FILIP1: variants seen among roughly 807,000 people sequenced by gnomAD.
FILIP1 encodes the protein filamin A interacting protein 1.
FILIP1 carries 61 observed loss-of-function variants against 102.1 expected under a neutral mutation model. The ratio of observed to expected loss-of-function variants is 0.60; its 90% CI spans 0.49 to 0.74. The LOEUF is 0.74. Among genes scored for constraint, FILIP1 ranks in the 30% least tolerant of loss-of-function variants. The pLI, the probability that FILIP1 is intolerant of heterozygous loss-of-function variation, is 0.00. For missense variants in FILIP1, 1,314 were observed against 1,441.2 expected (o/e 0.91, Z 1.43); for synonymous variants, 491 against 526.9 (o/e 0.93, Z 0.93).
At chr6:75,467,823 A>G (rs1779213537) in intron 1 of FILIP1, among the ~76,000 whole-genome samples, 1 of 152,200 alleles carries the variant, frequency 6.6e-6, no homozygotes, top group African/African-American at 2.4e-5. Flanking sequence ...AGTGCTGCTA[A>G]TAAATGTTGG....
At chr6:75,337,234 T>C (rs1046280162) in intron 4 of FILIP1, among the ~76,000 whole-genome samples, 1 of 152,202 alleles carries the variant, frequency 6.6e-6, no homozygotes, top group Non-Finnish European at 1.5e-5. Context: ...AAGTCCACTA[T>C]GAGTGGGAAT....
intron 1 of FILIP1, among the ~76,000 whole-genome samples, chr6:75,466,300 T>C (rs1156616596): frequency 6.6e-6 from 1 of 152,234 alleles, no homozygotes; most frequent in African/African-American, 2.4e-5. Flanking sequence ...TGCTCCAGCA[T>C]GTAAACTCCA....
At chr6:75,356,502 CT>C (rs1173210618) in intron 3 of FILIP1, among the ~76,000 whole-genome samples, 1 of 147,616 alleles carries the variant, frequency 6.8e-6, no homozygotes, top group Non-Finnish European at 1.5e-5. Context: ...AAGTTTTGCT[CT>C]TGTTGCACAG....
intron 1 of FILIP1, among the ~76,000 whole-genome samples, chr6:75,489,121 C>T (rs1440405525): frequency 2.0e-5 from 3 of 152,032 alleles, no homozygotes; most frequent in Non-Finnish European, 2.9e-5. Flanking sequence ...CCAGTATAGT[C>T]GGCTGTAAAA....
intron 2 of FILIP1, among the ~76,000 whole-genome samples, chr6:75,387,652 CT>C (rs1483609525): frequency 6.6e-6 from 1 of 152,164 alleles, no homozygotes; most frequent in Admixed American, 6.5e-5. Flanking sequence ...TGATGATGAG[CT>C]TTTTTCATGT....
At chr6:75,488,397 GC>G (rs2149786925) in intron 1 of FILIP1, among the ~76,000 whole-genome samples, 1 of 151,088 alleles carries the variant, frequency 6.6e-6, no homozygotes, top group South Asian at 2.1e-4. Flanking sequence ...TCTGCCTGTA[GC>G]CTTTTCCCTT....
chr6:75,393,163 G>C (rs969483946), intron 2 of FILIP1, among the ~76,000 whole-genome samples: 1 of 152,112 alleles, frequency 6.6e-6, no homozygotes, highest in African/African-American at 2.4e-5. Flanking sequence ...TGAAGGAAAG[G>C]ATTCCTCCAC....
chr6:75,318,049 G>A (rs1294154206), intron 4 of FILIP1, among the ~76,000 whole-genome samples: 1 of 151,992 alleles, frequency 6.6e-6, no homozygotes, highest in Non-Finnish European at 1.5e-5. Context: ...TGCAAATGCT[G>A]TGTCCTCTGC....
intron 1 of FILIP1, among the ~76,000 whole-genome samples, chr6:75,489,074 T>C (rs1400327860): frequency 6.6e-6 from 1 of 152,154 alleles, no homozygotes; most frequent in Non-Finnish European, 1.5e-5. Context: ...TAATGTGTTC[T>C]TGCATGGAGG....
intron 4 of FILIP1, among the ~76,000 whole-genome samples, chr6:75,350,626 A>G (rs1259315428): frequency 6.6e-6 from 1 of 152,098 alleles, no homozygotes; most frequent in African/African-American, 2.4e-5. Flanking sequence ...TCTCTATTTG[A>G]TTACTTCAAT....
chr6:75,401,533 C>T (rs779816167), intron 2 of FILIP1, among the ~76,000 whole-genome samples: 6 of 152,088 alleles, frequency 3.9e-5, no homozygotes, highest in Non-Finnish European at 5.9e-5. Context: ...CCACAAGTGG[C>T]GACTTAAATT....
At chr6:75,319,373 G>C in intron 4 of FILIP1, 3 of 627,180 alleles carry the variant, frequency 4.8e-6, no homozygotes, top group Non-Finnish European at 9.2e-6. Context: ...CCGAAGGAGA[G>C]CTCTTGGGTG....
At chr6:75,410,471 C>T (rs142764135) in intron 2 of FILIP1, among the ~76,000 whole-genome samples, 2,018 of 151,744 alleles carry the variant, frequency 0.013, 24 homozygotes, top group South Asian at 0.032. Flanking sequence ...CATAGGTATA[C>T]ATGTGCCATG....
chr6:75,329,411 A>C lies in FILIP1; in HGVS notation c.630-14209T>G, dbSNP rs117299012. Among the ~76,000 whole-genome samples the C allele has an allele frequency of 6.6e-4, 100 of 152,302 alleles. 1 individual carries two copies. The East Asian group carries it at 0.018, about 27-fold the overall frequency. On this transcript the variant is annotated intron_variant, in intron 4 of 5. Coordinates refer to ENST00000237172, the MANE Select transcript of FILIP1 (RefSeq NM_015687.5). ...AGATTTTGTCACTTGTCCTCATCTTAATCCATCGGACCCCGTTTTGCAACA... is the reference window on the plus strand; with the variant it reads ...AGATTTTGTCACTTGTCCTCATCTTCATCCATCGGACCCCGTTTTGCAACA...
At position 75,383,956 on chromosome 6, in the gene FILIP1, A is replaced by G. The variant is rs1775991703; in HGVS notation, c.277-21039T>C. Among the ~76,000 whole-genome samples the G allele has an allele frequency of 2.0e-5, 3 of 152,148 alleles. No homozygotes were observed. In the South Asian group the frequency reaches 6.2e-4, roughly 32 times the overall value. On this transcript the variant is annotated intron_variant, in intron 2 of 5. Coordinates refer to ENST00000237172, the MANE Select transcript of FILIP1 (RefSeq NM_015687.5). ...TATATCCATATAGAACCTCTCAAAT[A>G]TGTACCACCTTATTTTTTTATTCAA...
chr6:75,296,341 TTGTGTGTGTGTGTGTGTGTGTGTGTG>T lies in FILIP1; in HGVS notation c.3494-417_3494-392del, dbSNP rs57430339. On this transcript the variant is annotated intron_variant, in intron 6 of 6. Transcript: ENST00000393004. The stretch of plus-strand genomic sequence containing the variant: ...CAATATTTACACCTCTTCAATTTCT[TTGTGTGTGTGTGTGTGTGTGTGTGTG>T]TGTGTGTGTGTGTGTGGATTAGAGT... Among the ~76,000 whole-genome samples the T allele has an allele frequency of 2.8e-5, 4 of 141,536 alleles. No homozygotes were observed. In the South Asian group the frequency reaches 6.9e-4, roughly 24 times the overall value. 92.9% of individuals were successfully genotyped at this position (141,536 alleles called of 152,430 possible).
intron 1 of FILIP1, among the ~76,000 whole-genome samples, chr6:75,422,173 C>T (rs1777491353): frequency 6.6e-6 from 1 of 151,902 alleles, no homozygotes; most frequent in Admixed American, 6.6e-5. Context: ...ATCCTTGAAC[C>T]TCAAGTACAT....
intron 4 of FILIP1, among the ~76,000 whole-genome samples, chr6:75,333,595 C>A (rs1393117823): frequency 6.6e-6 from 1 of 151,970 alleles, no homozygotes; most frequent in Non-Finnish European, 1.5e-5. Context: ...ACAGTATTAA[C>A]AACCAATGTT....
intron 1 of FILIP1, among the ~76,000 whole-genome samples, chr6:75,432,073 C>T (rs1157867529): frequency 1.3e-5 from 2 of 152,148 alleles, no homozygotes; most frequent in African/African-American, 4.8e-5. Flanking sequence ...ACTAGTGATA[C>T]CCTGTATTTG....
Sources: gnomAD v4.1 joint callset for allele counts (sites outside exome capture counted in the v4.1 genomes callset) on GRCh38, gnomAD v4.1.1 for gene constraint, MANE v1.5 for transcripts, NCBI Gene and HGNC (gene_info 2026-07-23, HGNC 2026-07-21) for gene names.